The following JARID2 variants were observed in gnomAD, a reference collection of about 807,000 sequenced individuals.
JARID2 encodes jumonji and AT-rich interaction domain containing 2.
JARID2 carries 21 observed loss-of-function variants against 125.6 expected under a neutral mutation model. That is an observed-to-expected ratio of 0.17 (90% confidence interval 0.12 to 0.24). The LOEUF (loss-of-function observed/expected upper bound fraction) is 0.24. Among genes scored for constraint, JARID2 ranks in the 10% least tolerant of loss-of-function variants. JARID2 has a pLI of 1.00. For synonymous variants in JARID2, 736 were observed against 661.6 expected (o/e 1.11, Z -1.73); for missense variants, 1,303 against 1,639.6 (o/e 0.79, Z 3.55).
intron 4 of JARID2, among the ~76,000 whole-genome samples, chr6:15,463,164 T>C (rs2237138): frequency 0.22 from 33,922 of 152,084 alleles, 4,184 homozygotes; most frequent in Middle Eastern, 0.35. Context: ...ATATTGACTA[T>C]ACTTTTATAA....
intron 1 of JARID2, among the ~76,000 whole-genome samples, chr6:15,347,630 TAAA>T (rs376313384): frequency 6.6e-6 from 1 of 152,228 alleles, no homozygotes; most frequent in Non-Finnish European, 1.5e-5. Context: ...AATGACTTTT[TAAA>T]AAGTAGAATT....
At chr6:15,392,332 C>T (rs1377910434) in intron 2 of JARID2, among the ~76,000 whole-genome samples, 1 of 152,182 alleles carries the variant, frequency 6.6e-6, no homozygotes, top group Non-Finnish European at 1.5e-5. Context: ...CTCCCCTCCC[C>T]TACAAGCTAG....
At chr6:15,275,770 C>A (rs1345284187) in intron 1 of JARID2, among the ~76,000 whole-genome samples, 1 of 152,000 alleles carries the variant, frequency 6.6e-6, no homozygotes, top group Non-Finnish European at 1.5e-5. Context: ...AGACTTTTGT[C>A]CCCTTTCCTT....
intron 3 of JARID2, among the ~76,000 whole-genome samples, chr6:15,420,527 T>A (rs1248745821): frequency 6.6e-6 from 1 of 152,254 alleles, no homozygotes; most frequent in Non-Finnish European, 1.5e-5. Flanking sequence ...GTATATGTGC[T>A]ATTTTTGTCT....
intron 3 of JARID2, among the ~76,000 whole-genome samples, chr6:15,438,500 C>A (rs895115324): frequency 2.0e-5 from 3 of 152,270 alleles, no homozygotes; most frequent in Middle Eastern, 6.8e-3. Flanking sequence ...TTCCATGATT[C>A]CTCTGCACGT....
chr6:15,520,700 C>T lies in JARID2; in HGVS notation c.*449C>T, dbSNP rs1370513838. 7 of 453,318 alleles carry T rather than the reference C, an allele frequency of 1.5e-5. No individual in the cohort carries two copies. The highest frequency in any genetic ancestry group is 8.0e-5 in the African/African-American group (4 of 49,938). 28.1% of individuals were successfully genotyped at this position (453,318 alleles called of 1,614,324 possible). ...TAGGAGACACACGCGCACACACACA[C>T]ACACACGAAACTTGAAATGGCTTTG... On this transcript the variant is annotated 3_prime_UTR_variant, in exon 18 of 18. Transcript: ENST00000341776.
chr6:15,270,476 T>G (rs1162895152), intron 1 of JARID2, among the ~76,000 whole-genome samples: 1 of 152,182 alleles, frequency 6.6e-6, no homozygotes, highest in African/African-American at 2.4e-5. Flanking sequence ...TCCTATTGGT[T>G]AGGTAGCTGC....
chr6:15,399,849 A>G (rs1212122360), intron 2 of JARID2, among the ~76,000 whole-genome samples: 1 of 152,234 alleles, frequency 6.6e-6, no homozygotes, highest in Non-Finnish European at 1.5e-5. Flanking sequence ...CTTGGCCACC[A>G]TCTTCCTCCC....
chr6:15,293,031 T>G (rs1445710846), intron 1 of JARID2, among the ~76,000 whole-genome samples: 2 of 152,218 alleles, frequency 1.3e-5, no homozygotes, highest in Non-Finnish European at 2.9e-5. Flanking sequence ...AAGACTTATG[T>G]GTAAATGCAA....
chr6:15,490,927 C>T (rs930411248), intron 6 of JARID2, among the ~76,000 whole-genome samples: 6 of 152,116 alleles, frequency 3.9e-5, no homozygotes, highest in African/African-American at 1.4e-4. Context: ...TACGCTGAGG[C>T]TGAGTGTGAG....
chr6:15,487,082 CTT>C (rs1466048732), intron 5 of JARID2, among the ~76,000 whole-genome samples: 1 of 152,104 alleles, frequency 6.6e-6, no homozygotes, highest in Non-Finnish European at 1.5e-5. Context: ...GTGGGAAACA[CTT>C]TTAAACCATC....
intron 5 of JARID2, among the ~76,000 whole-genome samples, chr6:15,469,479 C>A (rs1308722126): frequency 6.8e-6 from 1 of 147,008 alleles, no homozygotes; most frequent in Non-Finnish European, 1.5e-5. Flanking sequence ...GTCGCCCAGG[C>A]TGGAGTGCAG....
chr6:15,353,580 A>G (rs530357132), intron 1 of JARID2, among the ~76,000 whole-genome samples: 2 of 152,330 alleles, frequency 1.3e-5, no homozygotes, highest in South Asian at 2.1e-4. Context: ...TAAGTGTTCT[A>G]GTAATAAGCT....
chr6:15,412,772 G>A (rs1306448428), intron 3 of JARID2, among the ~76,000 whole-genome samples: 5 of 152,092 alleles, frequency 3.3e-5, no homozygotes, highest in African/African-American at 1.2e-4. Flanking sequence ...CCAGAGCTTC[G>A]GTAGTATACT....
intron 4 of JARID2, among the ~76,000 whole-genome samples, chr6:15,453,392 A>C (rs1334290822): frequency 1.3e-5 from 2 of 152,280 alleles, no homozygotes; most frequent in South Asian, 4.1e-4. Context: ...TCATGATTAC[A>C]TTCTGGTTTG....
At chr6:15,413,963 T>G (rs35364784) in intron 3 of JARID2, among the ~76,000 whole-genome samples, 14,498 of 152,274 alleles carry the variant, frequency 0.095, 823 homozygotes, top group Middle Eastern at 0.15. Flanking sequence ...ATAATTTATG[T>G]ATGTGCTTTG....
At chr6:15,470,298 C>G (rs1769014036) in intron 5 of JARID2, among the ~76,000 whole-genome samples, 1 of 152,064 alleles carries the variant, frequency 6.6e-6, no homozygotes, top group African/African-American at 2.4e-5. Flanking sequence ...TACTTAGGAC[C>G]CACTGAGACC....
intron 1 of JARID2, among the ~76,000 whole-genome samples, chr6:15,288,149 T>G (rs1240648774): frequency 6.6e-6 from 1 of 152,022 alleles, no homozygotes; most frequent in Non-Finnish European, 1.5e-5. Flanking sequence ...TACCTCAGAT[T>G]GGGTAATTTA....
At chr6:15,291,267 A>G (rs986994525) in intron 1 of JARID2, among the ~76,000 whole-genome samples, 13 of 152,186 alleles carry the variant, frequency 8.5e-5, no homozygotes, top group Admixed American at 1.3e-4. Context: ...GAAGAAGTGT[A>G]TAGTTAATGA....
Sources: gnomAD v4.1 joint callset for allele counts (sites outside exome capture counted in the v4.1 genomes callset) on GRCh38, gnomAD v4.1.1 for gene constraint, MANE v1.5 for transcripts, NCBI Gene and HGNC (gene_info 2026-07-23, HGNC 2026-07-21) for gene names.